Variants in DHRSX observed in about 807,000 individuals in gnomAD.
DHRSX encodes polyprenol dehydrogenase.
DHRSX carries 31 observed loss-of-function variants against 34.0 expected under a neutral mutation model. The ratio of observed to expected loss-of-function variants is 0.91; its 90% CI spans 0.69 to 1.23. The LOEUF (loss-of-function observed/expected upper bound fraction) is 1.23, where lower values mean the gene tolerates loss of function less well. Among genes scored for constraint, DHRSX ranks in the 50% most tolerant of loss-of-function variants. DHRSX has a pLI of 0.00. For synonymous variants in DHRSX, 201 were observed against 183.8 expected (o/e 1.09, Z -0.76); for missense variants, 414 against 428.1 (o/e 0.97, Z 0.29).
At chrX:2,316,050 C>T (rs1461796997) in intron 3 of DHRSX, among the ~76,000 whole-genome samples, 57 of 152,180 alleles carry the variant, frequency 3.7e-4, no homozygotes, top group African/African-American at 3.8e-4. Flanking sequence ...TTAGTAGAGA[C>T]GGGTTTTCTC....
intron 5 of DHRSX, among the ~76,000 whole-genome samples, chrX:2,265,984 C>T (rs1443053709): frequency 7.1e-6 from 1 of 140,180 alleles, no homozygotes; most frequent in African/African-American, 2.8e-5. Context: ...GAGCACTGTT[C>T]CCAGAGCACC....
intron 5 of DHRSX, among the ~76,000 whole-genome samples, chrX:2,253,244 G>A (rs757863163): frequency 6.7e-5 from 10 of 149,390 alleles, no homozygotes; most frequent in East Asian, 2.0e-4. Flanking sequence ...ATGGCGCCAC[G>A]GCACTCCAGC....
chrX:2,418,306 T>C (rs2043721627), intron 2 of DHRSX, among the ~76,000 whole-genome samples: 1 of 152,058 alleles, frequency 6.6e-6, no homozygotes, highest in African/African-American at 2.4e-5. Context: ...AAAGGAGACG[T>C]TATCATGATC....
intron 4 of DHRSX, among the ~76,000 whole-genome samples, chrX:2,283,888 GAA>G (rs2041765993): frequency 1.3e-5 from 2 of 148,990 alleles, no homozygotes; most frequent in African/African-American, 2.5e-5. Context: ...TCATTCCTTT[GAA>G]TTCGTTCATT....
intron 3 of DHRSX, among the ~76,000 whole-genome samples, chrX:2,381,086 G>A (rs1421875217): frequency 6.6e-6 from 1 of 151,986 alleles, no homozygotes; most frequent in South Asian, 2.1e-4. Context: ...GGCTGGCCTC[G>A]AACTCCTGAC....
At chrX:2,330,798 G>A (rs1379893486) in intron 3 of DHRSX, among the ~76,000 whole-genome samples, 4 of 151,720 alleles carry the variant, frequency 2.6e-5, no homozygotes, top group Non-Finnish European at 4.4e-5. Context: ...ATGAGAAAGA[G>A]AGAATGAAGG....
intron 3 of DHRSX, among the ~76,000 whole-genome samples, chrX:2,318,914 C>A (rs2042272875): frequency 6.6e-6 from 1 of 152,122 alleles, no homozygotes; most frequent in Non-Finnish European, 1.5e-5. Context: ...AGACCCCTTT[C>A]CAGTAAACAA....
At chrX:2,449,629 G>A (rs974329512) in intron 1 of DHRSX, among the ~76,000 whole-genome samples, 1 of 152,032 alleles carries the variant, frequency 6.6e-6, no homozygotes, top group African/African-American at 2.4e-5. Context: ...CCAAGTAGCT[G>A]TGACCACACA....
At chrX:2,364,669 T>C (rs987881940) in intron 3 of DHRSX, among the ~76,000 whole-genome samples, 5 of 152,182 alleles carry the variant, frequency 3.3e-5, no homozygotes, top group African/African-American at 2.4e-5. Flanking sequence ...CCATTTATCA[T>C]CTATCATCTA....
intron 3 of DHRSX, among the ~76,000 whole-genome samples, chrX:2,305,345 T>A (rs2042086108): frequency 6.6e-6 from 1 of 152,080 alleles, no homozygotes; most frequent in Non-Finnish European, 1.5e-5. Flanking sequence ...AAACAACAGA[T>A]GCTGGAGAGG....
At chrX:2,388,834 T>C (rs1483753084) in intron 3 of DHRSX, among the ~76,000 whole-genome samples, 1 of 149,962 alleles carries the variant, frequency 6.7e-6, no homozygotes, top group Non-Finnish European at 1.5e-5. Context: ...TGTTTGTAAG[T>C]CATCCAGCCT....
chrX:2,475,701 C>T (rs180967729), intron 1 of DHRSX, among the ~76,000 whole-genome samples: 3 of 152,016 alleles, frequency 2.0e-5, no homozygotes, highest in Non-Finnish European at 4.4e-5. Context: ...AAGGGACCGC[C>T]GCCATGTACA....
chrX:2,324,991 G>C (rs1385636593), intron 3 of DHRSX, among the ~76,000 whole-genome samples: 1 of 148,476 alleles, frequency 6.7e-6, no homozygotes, highest in African/African-American at 2.5e-5. Flanking sequence ...GGTCAGGCTC[G>C]TCTCGAACCC....
intron 1 of DHRSX, chrX:2,486,387 AACT>A (rs961265831): frequency 6.6e-6 from 1 of 152,224 alleles, no homozygotes; most frequent in Non-Finnish European, 1.5e-5. Context: ...GGTTCAGACA[AACT>A]GCAGTCCAGA....
intron 1 of DHRSX, among the ~76,000 whole-genome samples, chrX:2,428,393 G>C (rs1406770122): frequency 1.3e-5 from 2 of 152,138 alleles, no homozygotes; most frequent in African/African-American, 4.8e-5. Flanking sequence ...ACGATAGACT[G>C]AATAAAGAAA....
chrX:2,334,520 C>G (rs1035354200), intron 3 of DHRSX: 1 of 152,118 alleles, frequency 6.6e-6, no homozygotes, highest in African/African-American at 2.4e-5. Context: ...GTGATTTGAG[C>G]ACATCTCACT....
At chrX:2,316,317 G>A (rs1232224435) in intron 3 of DHRSX, among the ~76,000 whole-genome samples, 1 of 152,140 alleles carries the variant, frequency 6.6e-6, no homozygotes, top group Non-Finnish European at 1.5e-5. Context: ...GTGATAGGCT[G>A]AGGTGGGGAA....
At chrX:2,303,012 A>G (rs2042031652) in intron 3 of DHRSX, among the ~76,000 whole-genome samples, 1 of 152,182 alleles carries the variant, frequency 6.6e-6, no homozygotes, top group South Asian at 2.1e-4. Flanking sequence ...AATTTTCCAC[A>G]AAAACACTTG....
chrX:2,403,728 T>C (rs2043516848), intron 3 of DHRSX, among the ~76,000 whole-genome samples: 1 of 151,738 alleles, frequency 6.6e-6, no homozygotes, highest in African/African-American at 2.4e-5. Context: ...TGGTGGTGGG[T>C]GTCTGTGATC....
Sources: gnomAD v4.1 joint callset for allele counts (sites outside exome capture counted in the v4.1 genomes callset) on GRCh38, gnomAD v4.1.1 for gene constraint, MANE v1.5 for transcripts, NCBI Gene and HGNC (gene_info 2026-07-23, HGNC 2026-07-21) for gene names.